NIM1K: variants seen among roughly 807,000 people sequenced by gnomAD.
NIM1K encodes serine/threonine-protein kinase NIM1.
In NIM1K, 35 loss-of-function variants were observed where a neutral mutation model predicts 37.1. That is an observed-to-expected ratio of 0.94 (90% CI 0.72 to 1.25). NIM1K has a LOEUF of 1.25. Ranked by LOEUF, NIM1K falls within the 50% of genes most tolerant of loss-of-function variation. NIM1K has a pLI of 0.00. For missense variants in NIM1K, 564 were observed against 548.0 expected (o/e 1.03, Z -0.29); for synonymous variants, 234 against 206.6 (o/e 1.13, Z -1.14).
intron 2 of NIM1K, among the ~76,000 whole-genome samples, chr5:43,259,625 G>A (rs1752998575): frequency 6.6e-6 from 1 of 151,982 alleles, no homozygotes; most frequent in African/African-American, 2.4e-5. Context: ...TTTTTAATGA[G>A]ATCTTTTTTT....
chr5:43,278,308 G>A (rs758220486), intron 3 of NIM1K, among the ~76,000 whole-genome samples: 4 of 152,152 alleles, frequency 2.6e-5, no homozygotes, highest in African/African-American at 9.7e-5. Flanking sequence ...GTCTCCCAAA[G>A]TAGTGGGATT....
chr5:43,260,409 C>G (rs1398216248), intron 2 of NIM1K, among the ~76,000 whole-genome samples: 2 of 152,008 alleles, frequency 1.3e-5, no homozygotes, highest in African/African-American at 4.8e-5. Context: ...CCTTCTATGC[C>G]TAGTTTGTTG....
At chr5:43,236,767 A>G (rs539517019) in intron 1 of NIM1K, among the ~76,000 whole-genome samples, 5 of 152,216 alleles carry the variant, frequency 3.3e-5, no homozygotes, top group Non-Finnish European at 7.3e-5. Context: ...CTGTCCCTGG[A>G]TGCTGGGTGT....
intron 3 of NIM1K, among the ~76,000 whole-genome samples, chr5:43,278,542 A>G (rs900241240): frequency 6.6e-6 from 1 of 152,186 alleles, no homozygotes; most frequent in Non-Finnish European, 1.5e-5. Context: ...GTCAGTCACC[A>G]TCTTTACTCA....
intron 1 of NIM1K, among the ~76,000 whole-genome samples, chr5:43,213,253 G>T (rs6451679): frequency 0.97 from 136,318 of 140,550 alleles, 66,111 homozygotes; most frequent in East Asian, 1. Context: ...TTTCTTTCTT[G>T]TTCTTTCTTG....
At chr5:43,229,428 A>G (rs1752505977) in intron 1 of NIM1K, among the ~76,000 whole-genome samples, 1 of 151,388 alleles carries the variant, frequency 6.6e-6, no homozygotes, top group South Asian at 2.1e-4. Context: ...AATTTGCCTG[A>G]AGGTATAAAT....
chr5:43,207,334 C>T, intron 1 of NIM1K: 1 of 770,996 alleles, frequency 1.3e-6, no homozygotes, highest in South Asian at 1.3e-5. Flanking sequence ...CAAAGATGGT[C>T]ACTATGGTAG....
chr5:43,275,624 T>A (rs1434248475), intron 2 of NIM1K, among the ~76,000 whole-genome samples: 2 of 152,108 alleles, frequency 1.3e-5, no homozygotes, highest in Non-Finnish European at 2.9e-5. Flanking sequence ...TGCCAGGCAC[T>A]GAGAGTGAAA....
intron 2 of NIM1K, among the ~76,000 whole-genome samples, chr5:43,269,610 T>C (rs1372063023): frequency 6.6e-6 from 1 of 151,894 alleles, no homozygotes; most frequent in Non-Finnish European, 1.5e-5. Context: ...TGTGTTATTG[T>C]TTTTATTTTT....
At chr5:43,232,623 C>T (rs1752556682) in intron 1 of NIM1K, 1 of 1,558,314 alleles carries the variant, frequency 6.4e-7, no homozygotes, top group Admixed American at 1.8e-5. Flanking sequence ...AGTTGTAGGG[C>T]TCAACTACAG....
At chr5:43,235,140 T>C (rs1029213206) in intron 1 of NIM1K, among the ~76,000 whole-genome samples, 12 of 152,256 alleles carry the variant, frequency 7.9e-5, no homozygotes, top group African/African-American at 2.4e-4. Flanking sequence ...GATTTAAACA[T>C]ATAGACAAGG....
intron 2 of NIM1K, among the ~76,000 whole-genome samples, chr5:43,261,400 T>C (rs1382234643): frequency 6.6e-6 from 1 of 152,258 alleles, no homozygotes; most frequent in African/African-American, 2.4e-5. Flanking sequence ...GCTGCATAAA[T>C]GTCTTCTTTT....
In NIM1K at chr5:43,253,207, AAT is replaced by A. The variant is rs1357520904; in HGVS notation, c.292+7145_292+7146del. ...TAATATATAATATAATATATAATATAATATATGTGTGTGTGTGTGTGTGTGTG... is the reference window on the plus strand; with the variant it reads ...TAATATATAATATAATATATAATATAATATGTGTGTGTGTGTGTGTGTGTG... On this transcript the variant is annotated intron_variant, in intron 2 of 3. Coordinates refer to ENST00000326035, the MANE Select transcript of NIM1K (RefSeq NM_153361.4). Among the ~76,000 whole-genome samples, 248 of 77,864 alleles carry A rather than the reference AAT, an allele frequency of 3.2e-3. 3 individuals are homozygous for A. Among genetic ancestry groups the A allele is most frequent in the African/African-American group, 0.01 (234 of 22,692 alleles). The allele number at this position is 77,864 out of a possible 152,430, so 51.1% of individuals were successfully genotyped here. A position where few individuals can be genotyped will look rare whatever the true frequency, so the allele number is the denominator to read the frequency against.
At chr5:43,260,723 T>C (rs1460356630) in intron 2 of NIM1K, among the ~76,000 whole-genome samples, 2 of 152,072 alleles carry the variant, frequency 1.3e-5, no homozygotes, top group East Asian at 3.9e-4. Context: ...AACTGATCAT[T>C]TACATTAGGT....
At chr5:43,221,196 T>C (rs1752375348) in intron 1 of NIM1K, among the ~76,000 whole-genome samples, 2 of 152,212 alleles carry the variant, frequency 1.3e-5, no homozygotes, top group South Asian at 4.1e-4. Context: ...AACCTTAGGC[T>C]GGGTGCTGTG....
At position 43,280,663 on chromosome 5, in the gene NIM1K, C is replaced by A. The variant is rs1753429521; in HGVS notation, c.1245C>A (p.Asp415Glu). Reference sequence around the variant, plus strand: ...TGCTACCAGACCCTAAAGAAAGAGACCTCAAAAAAGGGTCCCGTGTCTACA... The same window carrying A: ...TGCTACCAGACCCTAAAGAAAGAGAACTCAAAAAAGGGTCCCGTGTCTACA... Reference protein sequence around the residue: ...VMMLPDPKERDLKKGSRVYRG... With the variant: ...VMMLPDPKERELKKGSRVYRG... Residue 415 changes from aspartate to glutamate, a missense_variant, in exon 4 of 4, where the codon GAC (aspartate) becomes GAA (glutamate). Asp to Glu is a conservative substitution (Grantham distance 45). Transcript: ENST00000326035. 6.2e-7 allele frequency: 1 copy of A among 1,612,440 alleles called. No homozygotes were observed. Among genetic ancestry groups the A allele is most frequent in the Non-Finnish European group, 8.5e-7 (1 of 1,179,602 alleles).
chr5:43,280,604 A>G lies in NIM1K; in HGVS notation c.1186A>G (p.Arg396Gly), dbSNP rs545676811. ...VYRIILHRVQ[R>G]KKALESVPVM... ...TAGAATTATTTTACATAGAGTCCAA[A>G]GGAAGAAGGCTTTGGAAAGTGTCCC... Residue 396 changes from arginine (R) to glycine (G), a missense_variant, in exon 4 of 4, where the codon AGG becomes GGG. Physicochemically the swap from Arg to Gly is moderately radical, Grantham distance 125. Coordinates refer to ENST00000326035, the MANE Select transcript of NIM1K (RefSeq NM_153361.4). 6.2e-7 allele frequency: 1 copy of G among 1,614,168 alleles called. No homozygotes were observed. Among genetic ancestry groups the G allele is most frequent in the Admixed American group, 1.7e-5 (1 of 60,036 alleles).
At chr5:43,233,297 G>A (rs1358777945) in intron 1 of NIM1K, 53 of 434,330 alleles carry the variant, frequency 1.2e-4, no homozygotes, top group Non-Finnish European at 1.9e-4. Context: ...CTTCTTCTAA[G>A]GCAAGAGTGA....
At chr5:43,243,507 G>A (rs1257238094) in intron 1 of NIM1K, among the ~76,000 whole-genome samples, 1 of 151,680 alleles carries the variant, frequency 6.6e-6, no homozygotes, top group African/African-American at 2.4e-5. Flanking sequence ...TCTCAAAGGA[G>A]TCTGTGAGCC....
Sources: allele counts gnomAD v4.1 joint callset (sites outside exome capture counted in the v4.1 genomes callset), GRCh38; gene constraint gnomAD v4.1.1; transcripts MANE v1.5; gene names NCBI Gene and HGNC (gene_info 2026-07-23, HGNC 2026-07-21).